The following AUTS2 variants were observed in gnomAD, a reference collection of about 807,000 sequenced individuals.
The protein encoded by AUTS2 is activator of transcription and developmental regulator AUTS2.
Under a neutral mutation model 112.4 loss-of-function variants are expected in AUTS2, and 17 were observed. That is an observed-to-expected ratio of 0.15 (90% confidence interval 0.10 to 0.23). The LOEUF is 0.23. Ranked by LOEUF, AUTS2 falls within the 10% of genes least tolerant of loss-of-function variation. The probability of loss-of-function intolerance (pLI) is 1.00; values close to 1 mark genes in which losing one functional copy is unlikely to be tolerated. For synonymous variants in AUTS2, 751 were observed against 702.7 expected, an observed-to-expected ratio of 1.07 and a Z score of -1.09; for missense variants, 1,510 against 1,701.6, an observed-to-expected ratio of 0.89 and a Z score of 1.98.
In AUTS2 at chr7:70,702,433, G is replaced by A. The variant is rs186129038; in HGVS notation, c.742+3813G>A. Among the ~76,000 whole-genome samples the A allele has an allele frequency of 1.5e-3, 231 of 152,270 alleles. 1 individual carries two copies. Among genetic ancestry groups the A allele is most frequent in the African/African-American group, 5.2e-3 (217 of 41,540 alleles). The stretch of plus-strand genomic sequence containing the variant: ...AAGTCAAGACAACTCATAGATAGAC[G>A]GTGAGAGGGGCACAGTGGTGTATTT... On this transcript the variant is annotated intron_variant, in intron 6 of 18. Coordinates refer to ENST00000342771, the MANE Select transcript of AUTS2 (RefSeq NM_015570.4).
At chr7:70,275,480 T>A (rs1288462676) in intron 4 of AUTS2, among the ~76,000 whole-genome samples, 1 of 152,160 alleles carries the variant, frequency 6.6e-6, no homozygotes, top group East Asian at 1.9e-4. Context: ...ATGTTGGTGA[T>A]GATTAATAAT....
chr7:70,600,816 C>T (rs544212368), intron 5 of AUTS2, among the ~76,000 whole-genome samples: 1 of 152,234 alleles, frequency 6.6e-6, no homozygotes, highest in Non-Finnish European at 1.5e-5. Context: ...TGTTTCTTAA[C>T]GTTTTGAGAG....
At chr7:69,739,796 A>G (rs990321150) in intron 1 of AUTS2, among the ~76,000 whole-genome samples, 2 of 152,216 alleles carry the variant, frequency 1.3e-5, no homozygotes, top group Non-Finnish European at 2.9e-5. Context: ...TTGACATAGT[A>G]TATGCAGTCT....
chr7:70,439,662 T>G (rs1461268528), intron 5 of AUTS2, among the ~76,000 whole-genome samples: 1 of 152,146 alleles, frequency 6.6e-6, no homozygotes, highest in Non-Finnish European at 1.5e-5. Flanking sequence ...AGGCAGCACT[T>G]GGCACCCTTA....
intron 1 of AUTS2, among the ~76,000 whole-genome samples, chr7:69,693,441 G>A (rs1200419141): frequency 2.6e-5 from 4 of 152,224 alleles, no homozygotes; most frequent in Non-Finnish European, 5.9e-5. Flanking sequence ...TTGGCCATAT[G>A]GATTAGCAAA....
intron 4 of AUTS2, among the ~76,000 whole-genome samples, chr7:70,385,986 G>A (rs915961922): frequency 1.2e-4 from 18 of 152,284 alleles, no homozygotes; most frequent in Middle Eastern, 3.4e-3. Context: ...AAACATAGAC[G>A]TTGGTCCTCT....
At chr7:70,393,551 C>G (rs929796791) in intron 4 of AUTS2, among the ~76,000 whole-genome samples, 1 of 152,026 alleles carries the variant, frequency 6.6e-6, no homozygotes, top group Non-Finnish European at 1.5e-5. Flanking sequence ...CCTCATTATC[C>G]TGGGTAGTCT....
chr7:69,626,755 G>A (rs1199861858), intron 1 of AUTS2, among the ~76,000 whole-genome samples: 1 of 152,036 alleles, frequency 6.6e-6, no homozygotes, highest in Admixed American at 6.6e-5. Context: ...TCCCCCATAA[G>A]GGCAGTTTCT....
intron 6 of AUTS2, among the ~76,000 whole-genome samples, chr7:70,731,476 C>G (rs1306360538): frequency 3.1e-5 from 4 of 128,396 alleles, no homozygotes; most frequent in Non-Finnish European, 6.2e-5. Flanking sequence ...GTTGCCCAGG[C>G]TGGAGTGCAG....
chr7:69,604,709 GT>G (rs1792617933), intron 1 of AUTS2, among the ~76,000 whole-genome samples: 1 of 152,238 alleles, frequency 6.6e-6, no homozygotes, highest in Non-Finnish European at 1.5e-5. Context: ...GTGGAAATGA[GT>G]ACAAAGGTGG....
intron 2 of AUTS2, among the ~76,000 whole-genome samples, chr7:70,044,750 A>G (rs1040502620): frequency 1.3e-5 from 2 of 152,288 alleles, no homozygotes; most frequent in African/African-American, 4.8e-5. Context: ...CCGCTGAGAG[A>G]GAAAATACAG....
chr7:69,953,592 G>A (rs988464321), intron 2 of AUTS2, among the ~76,000 whole-genome samples: 1 of 152,194 alleles, frequency 6.6e-6, no homozygotes, highest in Non-Finnish European at 1.5e-5. Flanking sequence ...AACATCTGGG[G>A]AGACCCAGCC....
intron 5 of AUTS2, among the ~76,000 whole-genome samples, chr7:70,564,049 A>C (rs552413738): frequency 6.2e-4 from 94 of 152,348 alleles, no homozygotes; most frequent in Admixed American, 4.0e-3. Context: ...ATATAATAAA[A>C]AAGTAAAATC....
At chr7:70,661,505 CT>C (rs1807067743) in intron 5 of AUTS2, among the ~76,000 whole-genome samples, 1 of 152,204 alleles carries the variant, frequency 6.6e-6, no homozygotes, top group Non-Finnish European at 1.5e-5. Flanking sequence ...TCAGATCTTG[CT>C]GTTGTAGCTC....
intron 6 of AUTS2, among the ~76,000 whole-genome samples, chr7:70,748,421 C>A (rs1187011151): frequency 6.6e-6 from 1 of 152,084 alleles, no homozygotes; most frequent in African/African-American, 2.4e-5. Flanking sequence ...CCCTGTCACC[C>A]CCTTTGTAAA....
chr7:70,162,445 C>CAAAAAAAAAAA (rs57688959), intron 4 of AUTS2, among the ~76,000 whole-genome samples: 1 of 56,682 alleles, frequency 1.8e-5, no homozygotes, highest in African/African-American at 7.0e-5. Context: ...GACTCCGTCT[C>CAAAAAAAAAAA]AAAAAAAAAA....
chr7:70,369,764 A>G (rs1792755404), intron 4 of AUTS2, among the ~76,000 whole-genome samples: 1 of 152,190 alleles, frequency 6.6e-6, no homozygotes, highest in South Asian at 2.1e-4. Flanking sequence ...GAAGAACATA[A>G]TGAGAAGGAT....
At chr7:69,652,627 T>C (rs1291091085) in intron 1 of AUTS2, among the ~76,000 whole-genome samples, 1 of 152,012 alleles carries the variant, frequency 6.6e-6, no homozygotes, top group Non-Finnish European at 1.5e-5. Flanking sequence ...AATATTCTTG[T>C]TGTCACAGGC....
At chr7:70,649,456 A>C (rs1484388298) in intron 5 of AUTS2, among the ~76,000 whole-genome samples, 5 of 152,168 alleles carry the variant, frequency 3.3e-5, no homozygotes, top group African/African-American at 1.2e-4. Flanking sequence ...GTGGTGGGAC[A>C]TGGGGGTCAG....
Sources: allele counts gnomAD v4.1 joint callset (sites outside exome capture counted in the v4.1 genomes callset), GRCh38; gene constraint gnomAD v4.1.1; transcripts MANE v1.5; gene names NCBI Gene and HGNC (gene_info 2026-07-23, HGNC 2026-07-21).